Variants in MESP1 observed in about 807,000 individuals in gnomAD.
The protein encoded by MESP1 is mesoderm posterior protein 1.
Under a neutral mutation model 15.2 loss-of-function variants are expected in MESP1, and 22 were observed. That is an observed-to-expected ratio of 1.45 (90% CI 1.04 to 2.07). The LOEUF (loss-of-function observed/expected upper bound fraction) is 2.07, where lower values mean the gene tolerates loss of function less well. Ranked by LOEUF, MESP1 falls within the 30% of genes most tolerant of loss-of-function variation. The pLI is 0.00. For synonymous variants in MESP1, 216 were observed against 192.6 expected (o/e 1.12, Z -1.01); for missense variants, 484 against 411.9 (o/e 1.17, Z -1.51).
chr15:89,733,094 G>A, the MESP1 span: 1 of 1,614,220 alleles, frequency 6.2e-7, no homozygotes, highest in South Asian at 1.1e-5. Flanking sequence ...ACAAAGGACA[G>A]AATATGTATC....
rs2305440 is a variant in MESP1 at position 89,750,563 on chromosome 15, G to A, written c.669C>T (p.Phe223=). Residue 223 remains phenylalanine (F), a synonymous_variant, in exon 1 of 2, where the codon TTC becomes TTT. Coordinates refer to ENST00000300057, the MANE Select transcript of MESP1 (RefSeq NM_018670.4). The stretch of plus-strand genomic sequence containing the variant: ...GCCCTTCAGGGCACGCCGCCTCGGC[G>A]AACAGCGCAGGCGGGTCGCGCGGCT... ...APEPRDPPAL[F]AEAACPEGQA... The A allele has an allele frequency of 6.8e-7, 1 of 1,466,460 alleles. No homozygotes were observed. Among genetic ancestry groups the A allele is most frequent in the Non-Finnish European group, 9.0e-7 (1 of 1,115,780 alleles). 90.8% of individuals were successfully genotyped at this position (1,466,460 alleles called of 1,614,324 possible).
At chr15:89,735,277 A>C in the MESP1 span, among the ~76,000 whole-genome samples, 1 of 152,310 alleles carries the variant, frequency 6.6e-6, no homozygotes, top group East Asian at 1.9e-4. Flanking sequence ...TATTTTCATT[A>C]CCATATTATA....
downstream of MESP1, among the ~76,000 whole-genome samples, chr15:89,745,635 C>T (rs1217055553): frequency 1.3e-5 from 2 of 152,082 alleles, no homozygotes; most frequent in African/African-American, 4.8e-5. The surrounding 1 kb of genome is among the most constrained non-coding windows in gnomAD (Gnocchi z 4.8). Flanking sequence ...TAGTGATGGG[C>T]ACCTGTAGTC....
In MESP1 at chr15:89,750,788, C is replaced by G; in HGVS notation, c.444G>C (p.Gln148His). The change falls in exon 1 of 2, where the codon CAG becomes CAC. Residue 148 changes from glutamine to histidine, a missense_variant. Transcript: ENST00000300057. ...AVLGLSEESL[Q>H]RRCRQRGDAG... is the part of the protein sequence containing the mutation. The stretch of plus-strand genomic sequence containing the variant: ...CGTCACCGCGCTGCCGGCACCGGCG[C>G]TGGAGACTCTCCTCGCTGAGGCCTA... 1 of 1,518,892 alleles carries G rather than the reference C, an allele frequency of 6.6e-7. No homozygotes were observed. The highest frequency in any genetic ancestry group is 1.2e-5 in the South Asian group (1 of 82,850). 94.1% of individuals were successfully genotyped at this position (1,518,892 alleles called of 1,614,324 possible). A position where few individuals can be genotyped will look rare whatever the true frequency, so the allele number is the denominator to read the frequency against.
chr15:89,744,292 T>G, the MESP1 span, among the ~76,000 whole-genome samples: 66 of 152,356 alleles, frequency 4.3e-4, no homozygotes, highest in African/African-American at 1.4e-3. Flanking sequence ...CATGTGGCAC[T>G]GATGCTGGCT....
Position 89,750,589 on chromosome 15 carries a change from C to G in MESP1, c.643G>C (p.Glu215Gln). The change falls in exon 1 of 2, where the codon GAG becomes CAG. Residue 215 changes from glutamate to glutamine, a missense_variant. Glu to Gln is a conservative substitution (Grantham distance 29, BLOSUM62 2). Transcript: ENST00000300057. Reference sequence around the variant, plus strand: ...AACAGCGCAGGCGGGTCGCGCGGCTCGGGTGCAGCTCGGGCTCCGGGGCAG... The same window carrying G: ...AACAGCGCAGGCGGGTCGCGCGGCTGGGGTGCAGCTCGGGCTCCGGGGCAG... ...PACPGARAAPEPRDPPALFAE... is the reference protein window; with the variant it reads ...PACPGARAAPQPRDPPALFAE... 7.1e-7 allele frequency: 1 copy of G among 1,409,884 alleles called. No homozygotes were observed. Among genetic ancestry groups the G allele is most frequent in the South Asian group, 1.6e-5 (1 of 64,006 alleles). The allele number at this position is 1,409,884 out of a possible 1,614,324, so 87.3% of individuals were successfully genotyped here.
At position 89,750,582 on chromosome 15, in the gene MESP1, C is replaced by A. The variant is rs144221449; in HGVS notation, c.650G>T (p.Arg217Leu). 1 of 1,416,438 alleles carries A rather than the reference C, an allele frequency of 7.1e-7. No homozygotes were observed. Among genetic ancestry groups the A allele is most frequent in the East Asian group, 2.9e-5 (1 of 34,926 alleles). 87.7% of individuals were successfully genotyped at this position (1,416,438 alleles called of 1,614,324 possible). The change falls in exon 1 of 2, where the codon CGC becomes CTC. Residue 217 changes from arginine (R) to leucine (L), a missense_variant. Transcript: ENST00000300057. ...CPGARAAPEP[R>L]DPPALFAEAA... ...CTCGGCGAACAGCGCAGGCGGGTCG[C>A]GCGGCTCGGGTGCAGCTCGGGCTCC... is the stretch of plus-strand genomic sequence containing the variant.
chr15:89,749,383 G>A (rs1968036218), downstream of MESP1: 2 of 152,176 alleles, frequency 1.3e-5, no homozygotes, highest in Admixed American at 1.3e-4. Context: ...TAAGACCACA[G>A]GATGCAAGAA....
chr15:89,743,703 A>T, the MESP1 span: 3 of 326,486 alleles, frequency 9.2e-6, no homozygotes, highest in Admixed American at 4.4e-5. Context: ...CAGGGCCCAG[A>T]TGATGGTTTC....
the MESP1 span, among the ~76,000 whole-genome samples, chr15:89,741,846 G>A: frequency 6.6e-6 from 1 of 151,984 alleles, no homozygotes. Context: ...CTGCCTCCCA[G>A]GTTCAAGTGA....
chr15:89,750,657 A>G lies in MESP1; in HGVS notation c.575T>C (p.Val192Ala), dbSNP rs1388342983. 7 of 1,369,874 alleles carry G rather than the reference A, an allele frequency of 5.1e-6. No homozygotes were observed. Among genetic ancestry groups the G allele is most frequent in the Non-Finnish European group, 4.7e-6 (5 of 1,070,890 alleles). The allele number at this position is 1,369,874 out of a possible 1,614,324, so 84.9% of individuals were successfully genotyped here. ...GGACGCCCCGGCGCGGACGGCGGAT[A>G]CCAGGCCCAGCCCGCGCCCCTGCCC... ...GQGQGRGLGL[V>A]SAVRAGASWG... The change falls in exon 1 of 2, where the codon GTA (valine) becomes GCA (alanine). Residue 192 changes from valine (V) to alanine (A), a missense_variant. Coordinates refer to ENST00000300057, the MANE Select transcript of MESP1 (RefSeq NM_018670.4).
At chr15:89,747,960 TG>T (rs756544982), downstream of MESP1, among the ~76,000 whole-genome samples, 95 of 152,240 alleles carry the variant, frequency 6.2e-4, no homozygotes, top group Non-Finnish European at 1.1e-3. Flanking sequence ...GCTGGAGCAG[TG>T]GGAGATGTCC....
At chr15:89,739,685 G>A in the MESP1 span, among the ~76,000 whole-genome samples, 16 of 152,214 alleles carry the variant, frequency 1.1e-4, no homozygotes, top group African/African-American at 3.4e-4. Context: ...CTCGTCCCGG[G>A]CCTGCCACTA....
chr15:89,750,484 G>A (rs1371009512), intron 1 of MESP1, 25 bp downstream of exon 1: 1 of 1,489,012 alleles, frequency 6.7e-7, no homozygotes, highest in Non-Finnish European at 8.9e-7. Context: ...ACGGACGAAG[G>A]GGGCGCGGGG....
the MESP1 span, among the ~76,000 whole-genome samples, chr15:89,735,114 T>TCAAAGTGCTGGGCCCC: frequency 1.3e-5 from 2 of 152,056 alleles, no homozygotes; most frequent in African/African-American, 4.8e-5. Flanking sequence ...ACTCCTGGGC[T>TCAAAGTGCTGGGCCCC]CAAAGTGCTG....
At chr15:89,736,451 G>A in the MESP1 span, among the ~76,000 whole-genome samples, 1 of 152,098 alleles carries the variant, frequency 6.6e-6, no homozygotes, top group African/African-American at 2.4e-5. Context: ...GAAGTGGGGC[G>A]TACAGCAGGT....
chr15:89,737,000 C>A, the MESP1 span, among the ~76,000 whole-genome samples: 2 of 152,094 alleles, frequency 1.3e-5, no homozygotes, highest in Non-Finnish European at 2.9e-5. Flanking sequence ...ACCGTGTTAG[C>A]CAGGATGGTC....
At chr15:89,737,856 C>T in the MESP1 span, 5,315 of 1,405,848 alleles carry the variant, frequency 3.8e-3, 158 homozygotes, top group African/African-American at 0.06. Context: ...CAAAGGGTAC[C>T]GCAGCTCAGT....
chr15:89,738,043 G>A, the MESP1 span: 10 of 1,608,204 alleles, frequency 6.2e-6, no homozygotes, highest in Non-Finnish European at 6.8e-6. Context: ...CGTCACAGGA[G>A]ACTATTCACA....
Sources: gnomAD v4.1 joint callset for allele counts (sites outside exome capture counted in the v4.1 genomes callset) on GRCh38, gnomAD v4.1.1 for gene constraint, Gnocchi (gnomAD v3.1) non-coding constraint, MANE v1.5 for transcripts, NCBI Gene and HGNC (gene_info 2026-07-23, HGNC 2026-07-21) for gene names.